Variants in PTPN4 observed in about 807,000 individuals in gnomAD.
PTPN4 encodes protein tyrosine phosphatase non-receptor type 4, also known as tyrosine-protein phosphatase non-receptor type 4.
A neutral mutation model predicts 135.5 loss-of-function variants in PTPN4; 49 were observed. That is an observed-to-expected ratio of 0.36 (90% CI 0.29 to 0.46). The LOEUF (loss-of-function observed/expected upper bound fraction) is 0.46, where lower values mean the gene tolerates loss of function less well. Among genes scored for constraint, PTPN4 ranks in the 20% least tolerant of loss-of-function variants. The probability of loss-of-function intolerance (pLI) is 1.00; values close to 1 mark genes in which losing one functional copy is unlikely to be tolerated. For missense variants in PTPN4, 860 were observed against 1,101.0 expected, an observed-to-expected ratio of 0.78 and a Z score of 3.10; for synonymous variants, 333 against 369.9, an observed-to-expected ratio of 0.90 and a Z score of 1.14.
chr2:119,885,212 A>T (rs927014814), intron 8 of PTPN4, among the ~76,000 whole-genome samples: 3 of 152,230 alleles, frequency 2.0e-5, no homozygotes, highest in African/African-American at 7.2e-5. Context: ...TAATTACTAG[A>T]AAAATAAAGT....
intron 12 of PTPN4, among the ~76,000 whole-genome samples, chr2:119,925,754 T>G (rs1173804605): frequency 1.3e-5 from 2 of 152,234 alleles, no homozygotes; most frequent in African/African-American, 2.4e-5. Flanking sequence ...CAGATGGTAC[T>G]GGGACTATCA....
chr2:119,866,868 A>G (rs1677841684), intron 3 of PTPN4, among the ~76,000 whole-genome samples: 1 of 152,098 alleles, frequency 6.6e-6, no homozygotes, highest in Non-Finnish European at 1.5e-5. Context: ...TTCCACTGTA[A>G]TATCTTAATT....
At chr2:119,930,141 A>G (rs1678883649) in intron 13 of PTPN4, among the ~76,000 whole-genome samples, 1 of 152,178 alleles carries the variant, frequency 6.6e-6, no homozygotes, top group Non-Finnish European at 1.5e-5. Flanking sequence ...AGTTGTCTTC[A>G]AATCAAAAAA....
chr2:119,941,435 G>GTA (rs1679060945), intron 15 of PTPN4, among the ~76,000 whole-genome samples: 1 of 151,782 alleles, frequency 6.6e-6, no homozygotes, highest in African/African-American at 2.4e-5. Flanking sequence ...GTGTGTGTGT[G>GTA]TGTATAGAGT....
chr2:119,816,808 G>A (rs570702903), intron 2 of PTPN4, among the ~76,000 whole-genome samples: 1 of 152,328 alleles, frequency 6.6e-6, no homozygotes, highest in South Asian at 2.1e-4. Flanking sequence ...TTTCAGTGCT[G>A]TTGTAGCAAT....
chr2:119,888,870 T>C (rs948787199), intron 9 of PTPN4, among the ~76,000 whole-genome samples: 2 of 152,200 alleles, frequency 1.3e-5, no homozygotes, highest in African/African-American at 4.8e-5. Context: ...GAGAATTCCC[T>C]CCTCTTCAGT....
chr2:119,961,680 T>G (rs914176177), intron 23 of PTPN4, among the ~76,000 whole-genome samples: 2 of 152,162 alleles, frequency 1.3e-5, no homozygotes, highest in African/African-American at 4.8e-5. Flanking sequence ...TGTGGTATAG[T>G]CTTATGGTTG....
chr2:119,926,147 G>C (rs934075868), intron 12 of PTPN4, among the ~76,000 whole-genome samples: 2 of 152,190 alleles, frequency 1.3e-5, no homozygotes, highest in African/African-American at 4.8e-5. Context: ...TTAATTCACA[G>C]TTAAGTAATG....
intron 11 of PTPN4, among the ~76,000 whole-genome samples, chr2:119,918,452 A>G (rs1270491959): frequency 6.6e-6 from 1 of 152,220 alleles, no homozygotes; most frequent in Non-Finnish European, 1.5e-5. Context: ...ATGCATCCTG[A>G]TAGAAATATA....
At chr2:119,956,978 A>G in intron 21 of PTPN4, 38 bp from the exon 22 acceptor site, 1 of 1,604,724 alleles carries the variant, frequency 6.2e-7, no homozygotes, top group Non-Finnish European at 8.5e-7. Context: ...TTTTAAACAT[A>G]ACTTTACTAA....
chr2:119,762,598 C>G (rs1347217880), intron 1 of PTPN4, among the ~76,000 whole-genome samples: 2 of 151,960 alleles, frequency 1.3e-5, no homozygotes, highest in East Asian at 1.9e-4. Flanking sequence ...ACTTCTGCCC[C>G]CCGCTTGAGA....
At chr2:119,930,624 T>A (rs1299915987) in intron 13 of PTPN4, among the ~76,000 whole-genome samples, 4 of 152,164 alleles carry the variant, frequency 2.6e-5, no homozygotes, top group Non-Finnish European at 5.9e-5. Flanking sequence ...AATAACAATT[T>A]GTTCAGTTCT....
At chr2:119,789,314 T>C (rs975575410) in intron 1 of PTPN4, among the ~76,000 whole-genome samples, 2 of 152,204 alleles carry the variant, frequency 1.3e-5, no homozygotes, top group African/African-American at 4.8e-5. Context: ...ATTTATATAT[T>C]CCAGACATTA....
At chr2:119,919,136 G>A (rs745406154) in intron 11 of PTPN4, among the ~76,000 whole-genome samples, 6 of 152,170 alleles carry the variant, frequency 3.9e-5, no homozygotes, top group Non-Finnish European at 7.3e-5. Flanking sequence ...CTGGAACTGG[G>A]TAAAGGTTAC....
rs1690448012 is a variant in PTPN4, at chr2:119,760,014, G to A, written c.-388G>A. On this transcript the variant is annotated 5_prime_UTR_variant, in exon 1 of 27. Coordinates refer to ENST00000263708, the MANE Select transcript of PTPN4 (RefSeq NM_002830.4). ...TTCTCTCAGGACTCCTGGGTCCCAG[G>A]GGCCGGAATTGGGCCTGAGCGGGAG... The A allele has an allele frequency of 5.2e-6, 2 of 382,598 alleles. No homozygotes were observed. The highest frequency in any genetic ancestry group is 3.8e-5 in the East Asian group (1 of 26,648). 23.7% of individuals were successfully genotyped at this position (382,598 alleles called of 1,614,324 possible). A position where few individuals can be genotyped will look rare whatever the true frequency, so the allele number is the denominator to read the frequency against.
At chr2:119,930,499 T>C (rs959812821) in intron 13 of PTPN4, among the ~76,000 whole-genome samples, 2 of 152,152 alleles carry the variant, frequency 1.3e-5, no homozygotes, top group Non-Finnish European at 2.9e-5. Flanking sequence ...TGGGTCATAT[T>C]ATGCTAATAA....
chr2:119,764,589 C>T (rs1164200929), intron 1 of PTPN4, among the ~76,000 whole-genome samples: 2 of 151,838 alleles, frequency 1.3e-5, no homozygotes, highest in African/African-American at 4.8e-5. Flanking sequence ...GTAATAAGTA[C>T]CCTAAGGTTA....
At chr2:119,910,122 G>A (rs1187389642) in intron 10 of PTPN4, among the ~76,000 whole-genome samples, 3 of 152,090 alleles carry the variant, frequency 2.0e-5, no homozygotes, top group Non-Finnish European at 1.5e-5. Flanking sequence ...GTGTAGGTAA[G>A]TGCTATCAAA....
chr2:119,965,304 G>A (rs1679430613), intron 24 of PTPN4, among the ~76,000 whole-genome samples, 193 bp from the exon 25 acceptor site: 1 of 152,118 alleles, frequency 6.6e-6, no homozygotes, highest in Non-Finnish European at 1.5e-5. Context: ...GGATTCTGAG[G>A]CAACAGGCAC....
Sources: allele counts gnomAD v4.1 joint callset (sites outside exome capture counted in the v4.1 genomes callset), GRCh38; gene constraint gnomAD v4.1.1; transcripts MANE v1.5; gene names NCBI Gene and HGNC (gene_info 2026-07-23, HGNC 2026-07-21).